GPC3: variants seen among roughly 807,000 people sequenced by gnomAD.
GPC3 encodes glypican 3, also known as glypican-3.
In GPC3, 3 loss-of-function variants were observed where a neutral mutation model predicts 34.4. That is an observed-to-expected ratio of 0.09 (90% CI 0.04 to 0.23). The LOEUF is 0.23. Ranked by LOEUF, GPC3 falls within the 10% of genes least tolerant of loss-of-function variation. The pLI is 1.00. For missense variants in GPC3, 351 were observed against 445.6 expected, an observed-to-expected ratio of 0.79 and a Z score of 1.91; for synonymous variants, 177 against 174.0, an observed-to-expected ratio of 1.02 and a Z score of -0.13.
chrX:133,884,051 A>T (rs918197588), intron 2 of GPC3, among the ~76,000 whole-genome samples: 10 of 111,615 alleles, frequency 9.0e-5, no homozygotes, highest in Non-Finnish European at 1.7e-4. Context: ...AATGGTTATG[A>T]TGGCTCATTC....
chrX:133,763,399 T>C, intron 2 of GPC3: 1 of 540,288 alleles, frequency 1.9e-6, no homozygotes, highest in South Asian at 2.3e-5. Flanking sequence ...GCCTGATCTC[T>C]ACTTCTACAG....
chrX:133,621,162 G>GA (rs896507085), intron 6 of GPC3, among the ~76,000 whole-genome samples: 44 of 109,316 alleles, frequency 4.0e-4, no homozygotes, highest in African/African-American at 6.0e-4. Flanking sequence ...GAAGCACTGG[G>GA]AAAAAAAAAG....
intron 3 of GPC3, among the ~76,000 whole-genome samples, chrX:133,722,834 G>A (rs1031343171): frequency 2.7e-5 from 3 of 111,334 alleles, no homozygotes; most frequent in African/African-American, 9.8e-5. Context: ...ATTTTGAAAA[G>A]GATATGATTG....
At chrX:133,620,904 T>C (rs1242508171) in intron 6 of GPC3, among the ~76,000 whole-genome samples, 1 of 111,516 alleles carries the variant, frequency 9.0e-6, no homozygotes, top group Non-Finnish European at 1.9e-5. Context: ...ACCAAACCAA[T>C]GTACATCTTA....
intron 2 of GPC3, among the ~76,000 whole-genome samples, chrX:133,759,895 A>T (rs770467938): frequency 8.9e-6 from 1 of 111,853 alleles, no homozygotes; most frequent in African/African-American, 3.2e-5. Context: ...CATGTCTGAT[A>T]AAGGCCTTGT....
At chrX:133,855,138 G>A (rs2075893867) in intron 2 of GPC3, among the ~76,000 whole-genome samples, 1 of 111,041 alleles carries the variant, frequency 9.0e-6, no homozygotes. Flanking sequence ...TATTCCAGAT[G>A]TTCTTTTTCT....
intron 3 of GPC3, among the ~76,000 whole-genome samples, chrX:133,737,042 T>A (rs779637422): frequency 1.8e-5 from 2 of 112,147 alleles, no homozygotes; most frequent in Admixed American, 1.9e-4. Context: ...TAAAAAGAGA[T>A]GAACTATCTA....
At chrX:133,786,158 C>T (rs143588272) in intron 2 of GPC3, among the ~76,000 whole-genome samples, 141 of 112,181 alleles carry the variant, frequency 1.3e-3, no homozygotes, top group African/African-American at 4.4e-3. Flanking sequence ...TTTGGGAGGC[C>T]GAGGTGGGTG....
At chrX:133,615,983 CTTTA>C (rs2070158370) in intron 6 of GPC3, among the ~76,000 whole-genome samples, 1 of 110,717 alleles carries the variant, frequency 9.0e-6, no homozygotes, top group African/African-American at 3.3e-5. Context: ...AAAGTTTTCT[CTTTA>C]AGATGAGAAA....
At chrX:133,671,528 T>C in intron 5 of GPC3, 1 of 382,234 alleles carries the variant, frequency 2.6e-6, no homozygotes. Context: ...GCTACGAGGG[T>C]GCTAGAAACA....
At chrX:133,778,521 T>C (rs1048756286) in intron 2 of GPC3, among the ~76,000 whole-genome samples, 2 of 112,416 alleles carry the variant, frequency 1.8e-5, no homozygotes, top group Non-Finnish European at 3.7e-5. Flanking sequence ...AATGTGATTA[T>C]TAGACATTAT....
intron 2 of GPC3, among the ~76,000 whole-genome samples, chrX:133,924,861 G>C (rs1248956839): frequency 9.0e-5 from 10 of 111,197 alleles, no homozygotes; most frequent in Non-Finnish European, 1.9e-4. Context: ...TGGGAAAGGT[G>C]ACAAAGAGAA....
chrX:133,888,323 T>C (rs1288966414), intron 2 of GPC3, among the ~76,000 whole-genome samples: 2 of 112,001 alleles, frequency 1.8e-5, no homozygotes, highest in African/African-American at 6.5e-5. Flanking sequence ...CAGTCTATCA[T>C]TGATGGGTAT....
At chrX:133,852,087 T>C (rs1197791078) in intron 2 of GPC3, among the ~76,000 whole-genome samples, 1 of 112,225 alleles carries the variant, frequency 8.9e-6, no homozygotes, top group Non-Finnish European at 1.9e-5. Context: ...GTCTTAGATC[T>C]TACATGGTCA....
intron 6 of GPC3, among the ~76,000 whole-genome samples, chrX:133,627,169 T>G (rs1418576094): frequency 2.1e-5 from 1 of 47,083 alleles, no homozygotes; most frequent in Non-Finnish European, 3.5e-5. Context: ...TGTCGCAGGG[T>G]GGGGGGAGGG....
chrX:133,919,337 A>G (rs1375890906), intron 2 of GPC3, among the ~76,000 whole-genome samples: 1 of 112,219 alleles, frequency 8.9e-6, no homozygotes, highest in Non-Finnish European at 1.9e-5. Context: ...CGGTGACATT[A>G]AAGTGTGTAT....
intron 6 of GPC3, among the ~76,000 whole-genome samples, chrX:133,656,236 G>C (rs2070662734): frequency 8.9e-6 from 1 of 112,448 alleles, no homozygotes; most frequent in African/African-American, 3.2e-5. Flanking sequence ...TTTGGCCATA[G>C]AAATTACCAT....
chrX:133,757,304 G>C (rs1218752609), intron 2 of GPC3, among the ~76,000 whole-genome samples: 1 of 111,486 alleles, frequency 9.0e-6, no homozygotes, highest in Non-Finnish European at 1.9e-5. Flanking sequence ...ACCACCCTTT[G>C]GACATGCTCC....
chrX:133,693,003 C>T (rs994965903), intron 4 of GPC3, among the ~76,000 whole-genome samples: 1 of 111,847 alleles, frequency 8.9e-6, no homozygotes, highest in Non-Finnish European at 1.9e-5. Flanking sequence ...CCTGGCAATA[C>T]AGTCAGAGCA....
Sources: gnomAD v4.1 joint callset for allele counts (sites outside exome capture counted in the v4.1 genomes callset) on GRCh38, gnomAD v4.1.1 for gene constraint, MANE v1.5 for transcripts, NCBI Gene and HGNC (gene_info 2026-07-23, HGNC 2026-07-21) for gene names.